The following DMXL1 variants were observed in gnomAD, a reference collection of about 807,000 sequenced individuals.
DMXL1 encodes Dmx like 1, also known as dmX-like protein 1.
In DMXL1, 99 loss-of-function variants were observed where a neutral mutation model predicts 319.2. That is an observed-to-expected ratio of 0.31 (90% CI 0.26 to 0.37). The LOEUF is 0.37. DMXL1 is among the 10% of genes least tolerant of loss of function. The pLI is 1.00. For synonymous variants in DMXL1, 1,385 were observed against 1,235.2 expected (o/e 1.12, Z -2.54); for missense variants, 3,745 against 3,595.6 (o/e 1.04, Z -1.06).
chr5:119,098,599 C>G (rs1345491997), intron 2 of DMXL1, among the ~76,000 whole-genome samples: 2 of 152,114 alleles, frequency 1.3e-5, no homozygotes, highest in East Asian at 1.9e-4. Flanking sequence ...ATCTGGACTT[C>G]TATTTGCATA....
intron 25 of DMXL1, 23 bp from the exon 26 acceptor site, chr5:119,175,236 AAG>A (rs1387131672): frequency 6.3e-7 from 1 of 1,581,670 alleles, no homozygotes; most frequent in African/African-American, 1.4e-5. Flanking sequence ...GTTATACTTA[AAG>A]TAATTTTGTT....
intron 34 of DMXL1, among the ~76,000 whole-genome samples, chr5:119,215,052 G>A (rs1332952508): frequency 6.6e-6 from 1 of 152,204 alleles, no homozygotes; most frequent in Admixed American, 6.5e-5. Flanking sequence ...AATTTGACTT[G>A]TACATCATTA....
At chr5:119,130,468 G>A (rs918160762) in intron 10 of DMXL1, among the ~76,000 whole-genome samples, 2 of 151,860 alleles carry the variant, frequency 1.3e-5, no homozygotes, top group African/African-American at 4.8e-5. Flanking sequence ...TCAGCCTCCC[G>A]AGTAGCTAGG....
In DMXL1 at chr5:119,189,692, A is replaced by C. The variant is rs758244397; in HGVS notation, c.7136-16A>C. 1 of 1,611,184 alleles carries C rather than the reference A, an allele frequency of 6.2e-7. No homozygotes were observed. Among genetic ancestry groups the C allele is most frequent in the Non-Finnish European group, 8.5e-7 (1 of 1,177,730 alleles). On this transcript the variant is annotated splice_polypyrimidine_tract_variant and intron_variant, in intron 28 of 43. Transcript: ENST00000539542. ...GAAAATAGTACTTCAGTAACATTTT[A>C]TTTTCTTTTTGTTAGTTTCTTCACT...
intron 25 of DMXL1, among the ~76,000 whole-genome samples, chr5:119,172,806 T>G (rs1169687082): frequency 3.3e-5 from 5 of 152,142 alleles, no homozygotes; most frequent in African/African-American, 1.2e-4. Flanking sequence ...AATTCGATTT[T>G]CTGTTTTCCT....
At chr5:119,177,968 T>TA (rs776194806) in intron 27 of DMXL1, 28 bp from the exon 28 acceptor site, 1 of 1,552,704 alleles carries the variant, frequency 6.4e-7, no homozygotes, top group Non-Finnish European at 8.7e-7. Flanking sequence ...TTATAGTCAG[T>TA]GACAGCTATG....
Position 119,218,035 on chromosome 5 carries a change from A to G in DMXL1, c.8013+1048A>G, listed in dbSNP as rs191280430. ...CAGGCAAATCTGGAGTCAGCCCCTT[A>G]GCCAGTTGTAATATCTGTATAACAT... On this transcript the variant is annotated intron_variant, in intron 35 of 43. Coordinates refer to ENST00000539542, the MANE Select transcript of DMXL1 (RefSeq NM_001290321.3). 2.0e-3 allele frequency among the ~76,000 whole-genome samples: 306 copies of G among 152,210 alleles called. 1 individual carries two copies. The highest frequency in any genetic ancestry group is 3.6e-3 in the Non-Finnish European group (245 of 67,988).
intron 42 of DMXL1, among the ~76,000 whole-genome samples, chr5:119,241,254 G>T (rs184601620): frequency 6.6e-6 from 1 of 152,078 alleles, no homozygotes; most frequent in Admixed American, 6.5e-5. Context: ...GTCTGAGGCC[G>T]GGCGCAGTGG....
At chr5:119,080,950 A>G (rs1752062932) in intron 1 of DMXL1, among the ~76,000 whole-genome samples, 2 of 152,226 alleles carry the variant, frequency 1.3e-5, no homozygotes. Flanking sequence ...AAATCTGGCT[A>G]ACTCATCCCT....
intron 38 of DMXL1, among the ~76,000 whole-genome samples, chr5:119,226,171 TGA>T (rs1785514351): frequency 6.6e-6 from 1 of 152,136 alleles, no homozygotes; most frequent in Admixed American, 6.6e-5. Flanking sequence ...ACTGCTGTCT[TGA>T]GAGATAAATC....
intron 43 of DMXL1, among the ~76,000 whole-genome samples, chr5:119,245,820 T>C (rs1377325819): frequency 6.6e-6 from 1 of 151,854 alleles, no homozygotes; most frequent in East Asian, 1.9e-4. Flanking sequence ...GGGATTACAG[T>C]TGTGAGCCAC....
At chr5:119,139,784 C>G (rs1347119830) in intron 13 of DMXL1, among the ~76,000 whole-genome samples, 8 of 152,162 alleles carry the variant, frequency 5.3e-5, no homozygotes, top group African/African-American at 9.7e-5. Context: ...ATCTGACAGA[C>G]TGCTGCAGAA....
intron 20 of DMXL1, among the ~76,000 whole-genome samples, chr5:119,164,968 G>C (rs1366939760): frequency 6.6e-6 from 1 of 152,042 alleles, no homozygotes; most frequent in Non-Finnish European, 1.5e-5. Flanking sequence ...AACTTGTAAT[G>C]AAAGGCAATA....
chr5:119,129,438 G>A lies in DMXL1; in HGVS notation c.1315+15G>A. 6.4e-7 allele frequency: 1 copy of A among 1,562,686 alleles called. No individual in the cohort carries two copies. The highest frequency in any genetic ancestry group is 8.7e-7 in the Non-Finnish European group (1 of 1,154,524). On this transcript the variant is annotated intron_variant, in intron 10 of 43. Coordinates refer to ENST00000539542, the MANE Select transcript of DMXL1 (RefSeq NM_001290321.3). ...ATCTGATGAAGGTAAACTTTAAGAG[G>A]AAAGGAAAATTTAAAGTTTTGCTCA...
chr5:119,137,448 A>G (rs1007079168), intron 13 of DMXL1, among the ~76,000 whole-genome samples: 1 of 152,154 alleles, frequency 6.6e-6, no homozygotes, highest in Non-Finnish European at 1.5e-5. Context: ...TTGGGAAGGC[A>G]TGATTGGTTT....
chr5:119,092,178 G>A (rs1754949572), intron 1 of DMXL1, among the ~76,000 whole-genome samples: 1 of 152,032 alleles, frequency 6.6e-6, no homozygotes, highest in Admixed American at 6.5e-5. Flanking sequence ...CATTCCTGTG[G>A]CCCCAGGAAC....
chr5:119,162,742 TTTAA>T (rs1772540755), intron 19 of DMXL1, among the ~76,000 whole-genome samples: 1 of 152,248 alleles, frequency 6.6e-6, no homozygotes, highest in South Asian at 2.1e-4. Context: ...AATCAGATTC[TTTAA>T]TTATTTATGA....
intron 1 of DMXL1, among the ~76,000 whole-genome samples, chr5:119,085,416 A>G (rs1218692114): frequency 6.6e-6 from 1 of 152,016 alleles, no homozygotes; most frequent in Non-Finnish European, 1.5e-5. Context: ...TAGCTATTGT[A>G]ATGGGATTGC....
Position 119,224,711 on chromosome 5 carries a change from G to A in DMXL1, c.8280G>A (p.Met2760Ile). The A allele has an allele frequency of 2.4e-6, 3 of 1,259,312 alleles. No homozygotes were observed. Among genetic ancestry groups the A allele is most frequent in the Non-Finnish European group, 3.2e-6 (3 of 936,438 alleles). The allele number at this position is 1,259,312 out of a possible 1,614,324, so 78.0% of individuals were successfully genotyped here. A position where few individuals can be genotyped will look rare whatever the true frequency, so the allele number is the denominator to read the frequency against. Residue 2760 changes from methionine to isoleucine, a missense_variant and splice_region_variant, in exon 38 of 44, where the codon ATG (methionine) becomes ATA (isoleucine). Transcript: ENST00000539542. ...STQTGRGASV[M>I]IKKAINNVRR... Reference sequence around the variant, plus strand: ...AAATAATTTTTCTATTTTACCAGATGATTAAGAAAGCCATTAATAATGTTA... The same window carrying A: ...AAATAATTTTTCTATTTTACCAGATAATTAAGAAAGCCATTAATAATGTTA...
Sources: allele counts gnomAD v4.1 joint callset (sites outside exome capture counted in the v4.1 genomes callset), GRCh38; gene constraint gnomAD v4.1.1; transcripts MANE v1.5; gene names NCBI Gene and HGNC (gene_info 2026-07-23, HGNC 2026-07-21).